GLIS1: variants seen among roughly 807,000 people sequenced by gnomAD.
The protein encoded by GLIS1 is GLIS family zinc finger 1.
Under a neutral mutation model 63.8 loss-of-function variants are expected in GLIS1, and 24 were observed. The observed-to-expected ratio is 0.38, with a 90% CI of 0.27 to 0.53. The LOEUF (loss-of-function observed/expected upper bound fraction) is 0.53, where lower values mean the gene tolerates loss of function less well. Ranked by LOEUF, GLIS1 falls within the 20% of genes least tolerant of loss-of-function variation. The pLI, the probability that GLIS1 is intolerant of heterozygous loss-of-function variation, is 0.85. For missense variants in GLIS1, 1,036 were observed against 1,074.1 expected (o/e 0.96, Z 0.50); for synonymous variants, 450 against 482.5 (o/e 0.93, Z 0.88).
chr1:53,513,948 A>C (rs2100266562), intron 8 of GLIS1, among the ~76,000 whole-genome samples: 1 of 152,370 alleles, frequency 6.6e-6, no homozygotes, highest in South Asian at 2.1e-4. Flanking sequence ...AGCAAAAAAC[A>C]GCAGGGAGGG....
chr1:53,691,968 G>A (rs543566573), intron 2 of GLIS1, among the ~76,000 whole-genome samples: 31 of 152,120 alleles, frequency 2.0e-4, no homozygotes, highest in Admixed American at 4.6e-4. Context: ...GACAGGAGTC[G>A]TGGAGGAGCG....
chr1:53,539,280 T>TCACACACACACA lies in GLIS1; in HGVS notation c.1321-9340_1321-9329dup, dbSNP rs71722107. The stretch of plus-strand genomic sequence containing the variant: ...CACACACCAAGACCCAGAAACTCCC[T>TCACACACACACA]CACACACACACACACACACTACACC... On this transcript the variant is annotated intron_variant, in intron 4 of 10. Transcript: ENST00000628545. The surrounding 1 kb of genome is among the most constrained non-coding windows in gnomAD (Gnocchi z 5.0). 5.4e-5 allele frequency among the ~76,000 whole-genome samples: 8 copies of TCACACACACACA among 147,984 alleles called. No homozygotes were observed. The highest frequency in any genetic ancestry group is 2.0e-4 in the African/African-American group (8 of 39,602).
chr1:53,662,013 G>C (rs1003175181), intron 2 of GLIS1, among the ~76,000 whole-genome samples: 2 of 152,192 alleles, frequency 1.3e-5, no homozygotes, highest in Non-Finnish European at 2.9e-5. Flanking sequence ...AACACAGGGA[G>C]GGAGTGAGCT....
intron 4 of GLIS1, among the ~76,000 whole-genome samples, chr1:53,584,146 C>A (rs966969444): frequency 1.8e-4 from 28 of 152,196 alleles, no homozygotes; most frequent in Non-Finnish European, 7.3e-5. Context: ...ACCCACCACA[C>A]TAGCAACACT....
Position 53,737,878 on chromosome 1 carries a change from G to C in GLIS1, c.187C>G (p.Arg63Gly). Residue 63 changes from arginine to glycine, a missense_variant, in exon 2 of 11, where the codon CGC becomes GGC. By Grantham distance (125) the Arg-to-Gly change is moderately radical. Coordinates refer to ENST00000628545, the MANE Select transcript of GLIS1 (RefSeq NM_001367484.1). Reference protein sequence around the residue: ...LLARPPAPPPRAHDLLRPRSP... With the variant: ...LLARPPAPPPGAHDLLRPRSP... ...CGGGGCCGGAGGAGGTCGTGGGCGC[G>C]CGGTGGCGGCGCAGGCGGCCGGGCT... is the stretch of plus-strand genomic sequence containing the variant. 3.2e-6 allele frequency: 4 copies of C among 1,230,930 alleles called. No homozygotes were observed. Among genetic ancestry groups the C allele is most frequent in the Non-Finnish European group, 4.1e-6 (4 of 987,420 alleles). The allele number at this position is 1,230,930 out of a possible 1,614,324, so 76.3% of individuals were successfully genotyped here. A position where few individuals can be genotyped will look rare whatever the true frequency, so the allele number is the denominator to read the frequency against.
At chr1:53,556,389 G>GGT (rs1196524018) in intron 4 of GLIS1, among the ~76,000 whole-genome samples, 4 of 132,244 alleles carry the variant, frequency 3.0e-5, no homozygotes, top group Middle Eastern at 6.3e-3. Flanking sequence ...GTGTACTGCA[G>GGT]GTGTGTGTGT....
At position 53,709,407 on chromosome 1, in the gene GLIS1, T is replaced by TATACATATATAC. The variant is rs1557534470; in HGVS notation, c.259+28398_259+28399insGTATATATGTAT. ...ATACATATATATACATATACATATA[T>TATACATATATAC]ATATACACACACACACACACACACA... is the stretch of plus-strand genomic sequence containing the variant. On this transcript the variant is annotated intron_variant, in intron 2 of 10. Transcript: ENST00000628545. 1.8e-4 allele frequency among the ~76,000 whole-genome samples: 6 copies of TATACATATATAC among 32,538 alleles called. No individual in the cohort carries two copies. The Admixed American group carries it at 2.5e-3, about 14-fold the overall frequency. 21.3% of individuals were successfully genotyped at this position (32,538 alleles called of 152,430 possible).
chr1:53,546,583 G>A (rs1173767992), intron 4 of GLIS1, among the ~76,000 whole-genome samples: 1 of 122,052 alleles, frequency 8.2e-6, no homozygotes, highest in Admixed American at 8.8e-5. Flanking sequence ...ACGACTACAT[G>A]AGATGAGAGA....
intron 2 of GLIS1, chr1:53,734,138 G>T (rs914827733): frequency 1.0e-6 from 1 of 984,944 alleles, no homozygotes; most frequent in Non-Finnish European, 1.2e-6. Context: ...TATAACGGCG[G>T]GGTTCACATT....
chr1:53,552,451 C>G (rs181081106), intron 4 of GLIS1, among the ~76,000 whole-genome samples: 1 of 152,214 alleles, frequency 6.6e-6, no homozygotes, highest in Non-Finnish European at 1.5e-5. Flanking sequence ...TTATTCTTCC[C>G]CTGCTCATTG....
rs533993547 is a variant in GLIS1 at position 53,535,838 on chromosome 1, C to T, written c.1321-5886G>A. ...TCCCTGCTCAAACCCTGCATGGTTCCCCAGTGCCTCAACATGTACAGATCC... is the reference window on the plus strand; with the variant it reads ...TCCCTGCTCAAACCCTGCATGGTTCTCCAGTGCCTCAACATGTACAGATCC... On this transcript the variant is annotated intron_variant, in intron 4 of 10. Coordinates refer to ENST00000628545, the MANE Select transcript of GLIS1 (RefSeq NM_001367484.1). Among the ~76,000 whole-genome samples, 42 of 152,108 alleles carry T rather than the reference C, an allele frequency of 2.8e-4. 3 individuals are homozygous for T. The highest frequency in any genetic ancestry group is 9.7e-4 in the African/African-American group (40 of 41,390).
At chr1:53,597,539 G>A (rs1254986043) in intron 3 of GLIS1, among the ~76,000 whole-genome samples, 1 of 152,066 alleles carries the variant, frequency 6.6e-6, no homozygotes, top group Non-Finnish European at 1.5e-5. Flanking sequence ...TAGTATTAGA[G>A]AGTTAGGCTG....
chr1:53,595,679 A>G (rs973907605), intron 3 of GLIS1, among the ~76,000 whole-genome samples: 1 of 152,214 alleles, frequency 6.6e-6, no homozygotes. Context: ...ACCCAGGTCC[A>G]GGGTATATTA....
chr1:53,669,830 C>A (rs1646133385), intron 2 of GLIS1, among the ~76,000 whole-genome samples: 1 of 152,230 alleles, frequency 6.6e-6, no homozygotes, highest in South Asian at 2.1e-4. Context: ...CTGAATGGCC[C>A]ATCTGTTGGC....
At chr1:53,587,801 G>A (rs1645150945) in intron 4 of GLIS1, among the ~76,000 whole-genome samples, 1 of 152,204 alleles carries the variant, frequency 6.6e-6, no homozygotes, top group Non-Finnish European at 1.5e-5. Context: ...CAGCCAGGGG[G>A]CACACAGCAG....
chr1:53,594,299 A>C lies in GLIS1; in HGVS notation c.1129T>G (p.Cys377Gly). ...TCCTGCTGCTCATAGGCTGCACAGC[A>C]GTCCACCCAGCGGCACGCCTGCCGC... ...AGRQACRWVDCCAAYEQQEEL... is the reference protein window; with the variant it reads ...AGRQACRWVDGCAAYEQQEEL... The change falls in exon 4 of 11, where the codon TGC becomes GGC. Residue 377 changes from cysteine to glycine, a missense_variant. By Grantham distance (159) the Cys-to-Gly change is radical. Transcript: ENST00000628545. 1 of 1,612,720 alleles carries C rather than the reference A, an allele frequency of 6.2e-7. No individual in the cohort carries two copies. Among genetic ancestry groups the C allele is most frequent in the Non-Finnish European group, 8.5e-7 (1 of 1,179,886 alleles).
chr1:53,543,658 C>T (rs571906840), intron 4 of GLIS1, among the ~76,000 whole-genome samples: 4 of 152,308 alleles, frequency 2.6e-5, no homozygotes, highest in Non-Finnish European at 5.9e-5. Flanking sequence ...CTAGCAACAA[C>T]AGCCACTGCA....
intron 4 of GLIS1, among the ~76,000 whole-genome samples, chr1:53,566,146 A>G (rs939581915): frequency 5.3e-5 from 8 of 152,208 alleles, no homozygotes; most frequent in Admixed American, 4.6e-4. Context: ...TTCTAAAATT[A>G]TTAGCAAGTT....
intron 4 of GLIS1, among the ~76,000 whole-genome samples, chr1:53,548,861 G>C (rs1243646486): frequency 6.6e-6 from 1 of 152,172 alleles, no homozygotes; most frequent in African/African-American, 2.4e-5. Flanking sequence ...CATTGTACAA[G>C]CATTACCACA....
Sources: allele counts gnomAD v4.1 joint callset (sites outside exome capture counted in the v4.1 genomes callset), GRCh38; gene constraint gnomAD v4.1.1; non-coding constraint Gnocchi (gnomAD v3.1); transcripts MANE v1.5; gene names NCBI Gene and HGNC (gene_info 2026-07-23, HGNC 2026-07-21).